DNMT3A: variants seen among roughly 807,000 people sequenced by gnomAD.
The protein encoded by DNMT3A is DNA methyltransferase 3 alpha.
In DNMT3A, 267 loss-of-function variants were observed where a neutral mutation model predicts 117.6. The observed-to-expected ratio is 2.27, with a 90% CI of 2.05 to 2.51. The LOEUF is 2.51. Ranked by LOEUF, DNMT3A falls within the 30% of genes most tolerant of loss-of-function variation. DNMT3A has a pLI of 0.00. For synonymous variants in DNMT3A, 432 were observed against 474.8 expected (o/e 0.91, Z 1.17); for missense variants, 1,029 against 1,260.2 (o/e 0.82, Z 2.78).
chr2:25,282,781 C>T lies in DNMT3A; in HGVS notation c.178-70G>A, dbSNP rs1169957942. On this transcript the variant is annotated intron_variant, in intron 3 of 22. Transcript: ENST00000321117. This position sits in a 1 kb window ranked among gnomAD's most constrained non-coding sequence, Gnocchi z 5.2. ...GGCTTAGCCTGTTTTGGATCATTGA[C>T]CGCTCTGAAATTCTAGAGAATGTTA... is the stretch of plus-strand genomic sequence containing the variant. The T allele has an allele frequency of 1.4e-6, 2 of 1,471,258 alleles. No homozygotes were observed. Among genetic ancestry groups the T allele is most frequent in the Admixed American group, 2.5e-5 (1 of 39,432 alleles). The allele number at this position is 1,471,258 out of a possible 1,614,324, so 91.1% of individuals were successfully genotyped here. A position where few individuals can be genotyped will look rare whatever the true frequency, so the allele number is the denominator to read the frequency against.
rs1411989103 is a variant in DNMT3A at position 25,235,604 on chromosome 2, G to T, written c.2597+103C>A. On this transcript the variant is annotated intron_variant, in intron 22 of 22. Transcript: ENST00000321117. ...TGATAAAACCCACTGTTCCCAGGAC[G>T]TTTGTGGAAAACAAGTCAGGTGGGA... 6 of 901,608 alleles carry T rather than the reference G, an allele frequency of 6.7e-6. No individual in the cohort carries two copies. The South Asian group carries it at 7.4e-5, about 11-fold the overall frequency. The allele number at this position is 901,608 out of a possible 1,614,324, so 55.9% of individuals were successfully genotyped here.
At chr2:25,332,216 C>A (rs570430840) in intron 1 of DNMT3A, among the ~76,000 whole-genome samples, 1 of 152,334 alleles carries the variant, frequency 6.6e-6, no homozygotes, top group East Asian at 1.9e-4. Flanking sequence ...CTTCCATGTC[C>A]CCCGGCCCAG....
In DNMT3A at chr2:25,300,188, G is replaced by A. The variant is rs1417961680; in HGVS notation, c.128C>T (p.Thr43Ile). Reference sequence around the variant, plus strand: ...AGGCCGCCCCACCTTCCGTGCCGTGGTGCTGGGCTCTTGGCGCTCCTCCTT... The same window carrying A: ...AGGCCGCCCCACCTTCCGTGCCGTGATGCTGGGCTCTTGGCGCTCCTCCTT... ...RGKEERQEPSTTARKVGRPGR... is the reference protein window; with the variant it reads ...RGKEERQEPSITARKVGRPGR... The change falls in exon 3 of 23, where the codon ACC becomes ATC. Residue 43 changes from threonine (T) to isoleucine (I), a missense_variant. Coordinates refer to ENST00000321117, the MANE Select transcript of DNMT3A (RefSeq NM_022552.5). 7 of 1,612,700 alleles carry A rather than the reference G, an allele frequency of 4.3e-6. No individual in the cohort carries two copies. The highest frequency in any genetic ancestry group is 4.0e-5 in the African/African-American group (3 of 74,916).
intron 6 of DNMT3A, among the ~76,000 whole-genome samples, chr2:25,256,354 T>G (rs1573367385): frequency 6.6e-6 from 1 of 151,898 alleles, no homozygotes; most frequent in Non-Finnish European, 1.5e-5. Flanking sequence ...ATGCTGTTCC[T>G]TCTTCCTGGA....
At chr2:25,243,278 C>A (rs1674296696) in intron 16 of DNMT3A, among the ~76,000 whole-genome samples, 1 of 149,374 alleles carries the variant, frequency 6.7e-6, no homozygotes, top group Non-Finnish European at 1.5e-5. Flanking sequence ...GCACTCCAGC[C>A]TGGGCAACAG....
intron 2 of DNMT3A, among the ~76,000 whole-genome samples, chr2:25,301,017 T>C (rs1214576258): frequency 1.3e-5 from 2 of 151,726 alleles, no homozygotes; most frequent in African/African-American, 4.8e-5. Context: ...ACGCCTATGA[T>C]CCTAGCACTT....
intron 6 of DNMT3A, among the ~76,000 whole-genome samples, chr2:25,266,274 G>C (rs1361951454): frequency 1.3e-5 from 2 of 152,212 alleles, no homozygotes; most frequent in African/African-American, 2.4e-5. Context: ...TCCTTCAAGG[G>C]TGATGTTATT....
chr2:25,267,604 C>T (rs370699777), intron 6 of DNMT3A, among the ~76,000 whole-genome samples: 114 of 152,212 alleles, frequency 7.5e-4, no homozygotes, highest in African/African-American at 2.7e-3. Flanking sequence ...CAAGTTTGGG[C>T]GGACTTTTTC....
In DNMT3A at chr2:25,306,514, G is replaced by C. The variant is rs2033790166; in HGVS notation, c.73-6271C>G. Among the ~76,000 whole-genome samples, 1 of 152,178 alleles carries C rather than the reference G, an allele frequency of 6.6e-6. No individual in the cohort carries two copies. The highest frequency in any genetic ancestry group is 1.5e-5 in the Non-Finnish European group (1 of 68,026). On this transcript the variant is annotated intron_variant, in intron 2 of 22. Transcript: ENST00000321117. This position sits in a 1 kb window ranked among gnomAD's most constrained non-coding sequence, Gnocchi z 4.1. ...CGCCTCTGAGTCCCCCACAGCTCCT[G>C]GGTACTTGCACACAGAGGTGTTCCA...
At chr2:25,280,568 G>A (rs1026067176) in intron 4 of DNMT3A, among the ~76,000 whole-genome samples, 7 of 152,072 alleles carry the variant, frequency 4.6e-5, no homozygotes, top group African/African-American at 1.5e-4. Context: ...CAGGTTCTTC[G>A]TTGCAGTTCC....
chr2:25,252,788 A>C lies in DNMT3A; in HGVS notation c.640-4536T>G, dbSNP rs1675752572. Among the ~76,000 whole-genome samples the C allele has an allele frequency of 6.6e-6, 1 of 151,782 alleles. No individual in the cohort carries two copies. The highest frequency in any genetic ancestry group is 2.4e-5 in the African/African-American group (1 of 41,340). Reference sequence around the variant, plus strand: ...CACAACCAAAAAAAAAAAAAGAAAAAGCTTACAGATAGGAGGCCCAGGAAG... The same window carrying C: ...CACAACCAAAAAAAAAAAAAGAAAACGCTTACAGATAGGAGGCCCAGGAAG... On this transcript the variant is annotated intron_variant, in intron 6 of 22. Coordinates refer to ENST00000321117, the MANE Select transcript of DNMT3A (RefSeq NM_022552.5). This position sits in a 1 kb window ranked among gnomAD's most constrained non-coding sequence, Gnocchi z 5.5.
In DNMT3A at chr2:25,337,309, G is replaced by C. The variant is rs965784000; in HGVS notation, c.-178+4517C>G. Reference sequence around the variant, plus strand: ...CTGCAAAAGACACAGGAAGGTGGACGAGGCTTCTTAGAGCACTTCCTGCAG... The same window carrying C: ...CTGCAAAAGACACAGGAAGGTGGACCAGGCTTCTTAGAGCACTTCCTGCAG... On this transcript the variant is annotated intron_variant, in intron 1 of 22. Transcript: ENST00000321117. The surrounding 1 kb of genome is among the most constrained non-coding windows in gnomAD (Gnocchi z 5.0). Among the ~76,000 whole-genome samples the C allele has an allele frequency of 2.0e-5, 3 of 152,202 alleles. No individual in the cohort carries two copies. Among genetic ancestry groups the C allele is most frequent in the Non-Finnish European group, 4.4e-5 (3 of 68,044 alleles).
At chr2:25,245,940 A>G (rs1674696037) in intron 12 of DNMT3A, 80 bp downstream of exon 12, 2 of 1,590,000 alleles carry the variant, frequency 1.3e-6, no homozygotes, top group East Asian at 4.5e-5. Context: ...GTCCCATGTC[A>G]TTCAAACCTT....
chr2:25,234,423 G>A lies in DNMT3A; in HGVS notation c.2598-3C>T, dbSNP rs371855601. On this transcript the variant is annotated splice_polypyrimidine_tract_variant and splice_region_variant and intron_variant, in intron 22 of 22. Coordinates refer to ENST00000321117, the MANE Select transcript of DNMT3A (RefSeq NM_022552.5). The surrounding 1 kb of genome is among the most constrained non-coding windows in gnomAD (Gnocchi z 4.5). Reference sequence around the variant, plus strand: ...AGTGGACTGGGAAACCAAATACCCTGGGGGAGAAAAGGCAGAGAGGGCAGG... The same window carrying A: ...AGTGGACTGGGAAACCAAATACCCTAGGGGAGAAAAGGCAGAGAGGGCAGG... 5.5e-5 allele frequency: 88 copies of A among 1,611,680 alleles called. No homozygotes were observed. The highest frequency in any genetic ancestry group is 7.0e-5 in the Non-Finnish European group (82 of 1,178,676).
intron 1 of DNMT3A, among the ~76,000 whole-genome samples, chr2:25,332,710 T>A (rs1297646142): frequency 6.6e-6 from 1 of 152,234 alleles, no homozygotes; most frequent in African/African-American, 2.4e-5. Context: ...GGTGACTGAC[T>A]GCCCAGCCCC....
intron 3 of DNMT3A, among the ~76,000 whole-genome samples, chr2:25,289,840 G>A (rs6735342): frequency 0.016 from 2,431 of 152,304 alleles, 65 homozygotes; most frequent in African/African-American, 0.056. Context: ...CCCTGCCGCC[G>A]CCTCCTCTTC....
chr2:25,248,141 TG>T lies in DNMT3A; in HGVS notation c.750del (p.Thr251LeufsTer65), dbSNP rs749072422. ...GCCACAGTGGGGGATGCGGGGTCAG[TG>T]GGCTGCTGCACAGCAGGAGGGCTGG... is the stretch of plus-strand genomic sequence containing the variant. ...EEASPPAVQQ[P>X]TDPASPTVAT... On this transcript the variant is annotated frameshift_variant, in exon 7 of 23. Coordinates refer to ENST00000321117, the MANE Select transcript of DNMT3A (RefSeq NM_022552.5). LOFTEE classifies it high-confidence loss of function. The T allele has an allele frequency of 1.9e-6, 3 of 1,613,838 alleles. No individual in the cohort carries two copies. Among genetic ancestry groups the T allele is most frequent in the South Asian group, 1.1e-5 (1 of 91,058 alleles).
rs1288667880 is a variant in DNMT3A, at chr2:25,339,134, C to A, written c.-178+2692G>T. Among the ~76,000 whole-genome samples, 2 of 151,996 alleles carry A rather than the reference C, an allele frequency of 1.3e-5. No individual in the cohort carries two copies. The highest frequency in any genetic ancestry group is 2.9e-5 in the Non-Finnish European group (2 of 67,994). On this transcript the variant is annotated intron_variant, in intron 1 of 22. Transcript: ENST00000321117. The surrounding 1 kb of genome is among the most constrained non-coding windows in gnomAD (Gnocchi z 4.9). ...ATCTCCTTCTCCTTGGAAGCCTTCC[C>A]CTATTACTGCCATGTGCCGAAAAAC...
Position 25,244,154 on chromosome 2 carries a change from C to CA in DNMT3A, c.1851dup (p.Asp618Ter). 6.2e-7 allele frequency: 1 copy of CA among 1,613,972 alleles called. No homozygotes were observed. Among genetic ancestry groups the CA allele is most frequent in the Non-Finnish European group, 8.5e-7 (1 of 1,180,018 alleles). On this transcript the variant is annotated frameshift_variant and splice_region_variant. Transcript: ENST00000321117. LOFTEE classifies it high-confidence loss of function. ...GACCGCGCCCCAGGCCCAGCACTCACAAATTCCTGGTCGTGGTTATTAGCG... is the reference window on the plus strand; with the variant it reads ...GACCGCGCCCCAGGCCCAGCACTCACAAAATTCCTGGTCGTGGTTATTAGCG...
Sources: gnomAD v4.1 joint callset for allele counts (sites outside exome capture counted in the v4.1 genomes callset) on GRCh38, gnomAD v4.1.1 for gene constraint, Gnocchi (gnomAD v3.1) non-coding constraint, MANE v1.5 for transcripts, NCBI Gene and HGNC (gene_info 2026-07-23, HGNC 2026-07-21) for gene names.